The following RHPN2 variants were observed in gnomAD, a reference collection of about 807,000 sequenced individuals.
RHPN2 encodes rhophilin Rho GTPase binding protein 2.
A neutral mutation model predicts 79.0 loss-of-function variants in RHPN2; 40 were observed. The ratio of observed to expected loss-of-function variants is 0.51; its 90% CI spans 0.39 to 0.66. The LOEUF is 0.66. Ranked by LOEUF, RHPN2 falls within the 30% of genes least tolerant of loss-of-function variation. The probability of loss-of-function intolerance (pLI) is 0.00; values close to 1 mark genes in which losing one functional copy is unlikely to be tolerated. For synonymous variants in RHPN2, 285 were observed against 363.5 expected (o/e 0.78, Z 2.46); for missense variants, 686 against 883.5 (o/e 0.78, Z 2.83).
In RHPN2 at chr19:33,018,337, A is replaced by AAG. The variant is rs1163984674; in HGVS notation, c.390+3232_390+3233dup. The stretch of plus-strand genomic sequence containing the variant: ...GAGTGAGACTGTGTCTCAAAAAAAA[A>AAG]AGAGAGAGAGAGAGAGAGACAAGGT... On this transcript the variant is annotated intron_variant, in intron 4 of 14. Coordinates refer to ENST00000254260, the MANE Select transcript of RHPN2 (RefSeq NM_033103.5). Among the ~76,000 whole-genome samples, 59 of 150,622 alleles carry AAG rather than the reference A, an allele frequency of 3.9e-4. No individual in the cohort carries two copies. The South Asian group carries it at 6.1e-3, about 16-fold the overall frequency.
intron 1 of RHPN2, among the ~76,000 whole-genome samples, chr19:33,044,730 T>TA (rs1599832534): frequency 6.6e-6 from 1 of 152,090 alleles, no homozygotes; most frequent in African/African-American, 2.4e-5. Flanking sequence ...CTGTTTCTAC[T>TA]AAAAATACAA....
At chr19:33,043,085 A>AC (rs1345068323) in intron 2 of RHPN2, among the ~76,000 whole-genome samples, 1 of 149,642 alleles carries the variant, frequency 6.7e-6, no homozygotes, top group Non-Finnish European at 1.5e-5. Flanking sequence ...TCTCAAAAAA[A>AC]AAAAAAATTA....
chr19:32,998,876 A>G (rs1216365825), intron 10 of RHPN2, among the ~76,000 whole-genome samples: 1 of 120,482 alleles, frequency 8.3e-6, no homozygotes, highest in Non-Finnish European at 1.7e-5. Context: ...CAGAGGAGAG[A>G]GGAAAGGAGG....
At chr19:33,045,670 C>T (rs1425473804) in intron 1 of RHPN2, among the ~76,000 whole-genome samples, 3 of 152,132 alleles carry the variant, frequency 2.0e-5, no homozygotes, top group Admixed American at 6.6e-5. Flanking sequence ...GACAGGGTTT[C>T]GCCATGTTGG....
intron 1 of RHPN2, among the ~76,000 whole-genome samples, chr19:33,061,511 T>G (rs35913518): frequency 0.1 from 14,642 of 146,728 alleles, 937 homozygotes; most frequent in South Asian, 0.19. Flanking sequence ...GGGTACGGAG[T>G]CTCACTCTGT....
chr19:33,060,610 G>A (rs564573007), intron 1 of RHPN2, among the ~76,000 whole-genome samples: 60 of 152,214 alleles, frequency 3.9e-4, no homozygotes, highest in South Asian at 6.2e-4. Flanking sequence ...ACAGCTCACT[G>A]CAGCCTCAAC....
At chr19:32,990,134 G>T (rs79327851) in intron 14 of RHPN2, among the ~76,000 whole-genome samples, 2 of 24,646 alleles carry the variant, frequency 8.1e-5, no homozygotes, top group African/African-American at 6.9e-4. Context: ...AAAAGAAAAT[G>T]AATAAAGAAA....
chr19:32,996,314 T>C, intron 10 of RHPN2, 94 bp from the exon 11 acceptor site: 1 of 1,327,376 alleles, frequency 7.5e-7, no homozygotes, highest in East Asian at 2.4e-5. Context: ...ATGTTCTCTT[T>C]TCTAAAGGAT....
intron 7 of RHPN2, among the ~76,000 whole-genome samples, chr19:33,006,208 C>A (rs1175539700): frequency 4.2e-4 from 63 of 151,486 alleles, no homozygotes; most frequent in Non-Finnish European, 1.0e-4. Context: ...AAAAAAAATT[C>A]TTTTTAGGGA....
At chr19:32,982,522 T>G (rs544803620) in intron 14 of RHPN2, among the ~76,000 whole-genome samples, 1 of 152,228 alleles carries the variant, frequency 6.6e-6, no homozygotes, top group South Asian at 2.1e-4. Context: ...GCCTCTTCCT[T>G]TTCTGGAAAA....
chr19:33,064,470 G>A (rs901079599), intron 1 of RHPN2, among the ~76,000 whole-genome samples: 6 of 151,904 alleles, frequency 3.9e-5, no homozygotes, highest in South Asian at 2.1e-4. Flanking sequence ...GATCGCAAGC[G>A]AGGGGTGGCG....
rs564769941 is a variant in RHPN2 at position 32,990,100 on chromosome 19, G to A, written c.1800+414C>T. On this transcript the variant is annotated intron_variant, in intron 14 of 14. Coordinates refer to ENST00000254260, the MANE Select transcript of RHPN2 (RefSeq NM_033103.5). ...AGCCTGGGTGACAGAGCGAGACTCCGTCTCAAAAAAAAAATAAAATTAAAA... is the reference window on the plus strand; with the variant it reads ...AGCCTGGGTGACAGAGCGAGACTCCATCTCAAAAAAAAAATAAAATTAAAA... Among the ~76,000 whole-genome samples the A allele has an allele frequency of 4.2e-4, 56 of 133,728 alleles. No individual in the cohort carries two copies. The East Asian group carries it at 6.3e-3, about 15-fold the overall frequency. 87.7% of individuals were successfully genotyped at this position (133,728 alleles called of 152,430 possible).
chr19:33,047,350 G>A (rs1164985428), intron 1 of RHPN2, among the ~76,000 whole-genome samples: 1 of 152,116 alleles, frequency 6.6e-6, no homozygotes, highest in Admixed American at 6.6e-5. Context: ...CAAATTGTCT[G>A]TGTTCTCTGA....
intron 2 of RHPN2, among the ~76,000 whole-genome samples, chr19:33,036,940 C>G (rs765678429): frequency 6.6e-6 from 1 of 152,076 alleles, no homozygotes; most frequent in Non-Finnish European, 1.5e-5. Context: ...CCCTGCTCCA[C>G]GGCACCCAGT....
chr19:33,023,709 C>T (rs974629830), intron 3 of RHPN2, among the ~76,000 whole-genome samples: 55 of 147,370 alleles, frequency 3.7e-4, no homozygotes, highest in African/African-American at 1.3e-3. Flanking sequence ...GGTGTGAACC[C>T]GGGAGGCAGA....
At chr19:33,040,635 C>G (rs1384715285) in intron 2 of RHPN2, among the ~76,000 whole-genome samples, 1 of 151,872 alleles carries the variant, frequency 6.6e-6, no homozygotes, top group African/African-American at 2.4e-5. Flanking sequence ...TGGGAGAAGA[C>G]AGAATATTGT....
intron 2 of RHPN2, among the ~76,000 whole-genome samples, chr19:33,030,543 A>G (rs1268791994): frequency 6.6e-6 from 1 of 152,124 alleles, no homozygotes; most frequent in Non-Finnish European, 1.5e-5. Context: ...CAGTGAGCTG[A>G]GAGCGCACCA....
At chr19:33,046,191 G>A (rs1599833296) in intron 1 of RHPN2, among the ~76,000 whole-genome samples, 2 of 152,296 alleles carry the variant, frequency 1.3e-5, no homozygotes, top group Admixed American at 1.3e-4. Flanking sequence ...ATATGGATAT[G>A]TGCTTTTGTT....
In RHPN2 at chr19:32,980,201, C is replaced by A. The variant is rs764667518; in HGVS notation, c.1856G>T (p.Cys619Phe). Reference protein sequence around the residue: ...VGMQKTYSMICLAIDDDDKTD... With the variant: ...VGMQKTYSMIFLAIDDDDKTD... ...TTTGTCGTCATCATCAATGGCTAAG[C>A]AGATCATGGAGTACGTTTTCTGCAT... Residue 619 changes from cysteine to phenylalanine, a missense_variant, in exon 15 of 15, where the codon TGC becomes TTC. Physicochemically the swap from Cys to Phe is radical, Grantham distance 205. Transcript: ENST00000254260. The A allele has an allele frequency of 1.2e-6, 2 of 1,613,858 alleles. No individual in the cohort carries two copies.
Sources: allele counts gnomAD v4.1 joint callset (sites outside exome capture counted in the v4.1 genomes callset), GRCh38; gene constraint gnomAD v4.1.1; transcripts MANE v1.5; gene names NCBI Gene and HGNC (gene_info 2026-07-23, HGNC 2026-07-21).